Variants in TMCO5A observed in about 807,000 individuals in gnomAD.
The protein encoded by TMCO5A is transmembrane and coiled-coil domain-containing protein 5A.
Under a neutral mutation model 42.3 loss-of-function variants are expected in TMCO5A, and 34 were observed. The ratio of observed to expected loss-of-function variants is 0.80; its 90% CI spans 0.61 to 1.07. TMCO5A has a LOEUF of 1.07. Among genes scored for constraint, TMCO5A ranks in the 50% least tolerant of loss-of-function variants. The probability of loss-of-function intolerance (pLI) is 0.00; values close to 1 mark genes in which losing one functional copy is unlikely to be tolerated. For missense variants in TMCO5A, 357 were observed against 327.9 expected (o/e 1.09, Z -0.69); for synonymous variants, 131 against 115.6 (o/e 1.13, Z -0.86).
chr15:38,031,374 G>A, the TMCO5A span, among the ~76,000 whole-genome samples: 4 of 151,950 alleles, frequency 2.6e-5, no homozygotes, highest in African/African-American at 7.3e-5. Flanking sequence ...TGTCCCTCCC[G>A]CATTGTATCA....
At chr15:37,965,043 A>G (rs940357281) in intron 11 of TMCO5A, among the ~76,000 whole-genome samples, 11 of 152,332 alleles carry the variant, frequency 7.2e-5, no homozygotes, top group Middle Eastern at 3.4e-3. Context: ...CCAAAGCAGC[A>G]CGGTACTGGC....
chr15:37,936,964 C>T lies in TMCO5A; in HGVS notation c.258C>T (p.Ala86=). 1 of 1,612,150 alleles carries T rather than the reference C, an allele frequency of 6.2e-7. No homozygotes were observed. The highest frequency in any genetic ancestry group is 8.5e-7 in the Non-Finnish European group (1 of 1,178,862). ...TGCAGGAGCTGGAGGAAGAAACAGC[C>T]AGACTTGTAAGCAAGAAGTTGGGAA... is the stretch of plus-strand genomic sequence containing the variant. ...RALQELEEET[A]RLERKNKTLV... The change falls in exon 4 of 12, where the codon GCC becomes GCT. Residue 86 remains alanine, a synonymous_variant. Coordinates refer to ENST00000319669, the MANE Select transcript of TMCO5A (RefSeq NM_152453.4).
chr15:38,033,200 T>A, the TMCO5A span, among the ~76,000 whole-genome samples: 1 of 152,196 alleles, frequency 6.6e-6, no homozygotes, highest in African/African-American at 2.4e-5. Flanking sequence ...ATTTGGTCTC[T>A]TACCCTTCTG....
chr15:37,974,117 G>A, the TMCO5A span, among the ~76,000 whole-genome samples: 7 of 152,128 alleles, frequency 4.6e-5, no homozygotes, highest in Admixed American at 4.6e-4. Flanking sequence ...AATCCTACTT[G>A]ATTGTGGTTG....
the TMCO5A span, among the ~76,000 whole-genome samples, chr15:37,997,249 A>T: frequency 6.6e-6 from 1 of 152,182 alleles, no homozygotes; most frequent in Non-Finnish European, 1.5e-5. Context: ...TTACAGATGC[A>T]CTCACTTCAG....
chr15:37,958,087 A>C (rs1324507824), intron 11 of TMCO5A, among the ~76,000 whole-genome samples: 1 of 152,182 alleles, frequency 6.6e-6, no homozygotes, highest in Non-Finnish European at 1.5e-5. Context: ...ACAAAAATTA[A>C]CTCAAGATGG....
chr15:37,972,848 TTG>T, the TMCO5A span, among the ~76,000 whole-genome samples: 1 of 152,222 alleles, frequency 6.6e-6, no homozygotes, highest in Non-Finnish European at 1.5e-5. Context: ...CATGAAATCT[TTG>T]TGAGGACGTA....
At chr15:37,961,895 G>T (rs140493346) in intron 11 of TMCO5A, among the ~76,000 whole-genome samples, 1 of 151,894 alleles carries the variant, frequency 6.6e-6, no homozygotes, top group Non-Finnish European at 1.5e-5. Flanking sequence ...TCTTGTATCC[G>T]GAAACTTTGC....
At chr15:38,008,086 G>C in the TMCO5A span, among the ~76,000 whole-genome samples, 1 of 151,404 alleles carries the variant, frequency 6.6e-6, no homozygotes, top group African/African-American at 2.4e-5. Flanking sequence ...TAGTAGAGAT[G>C]GGGTTTCACC....
the TMCO5A span, among the ~76,000 whole-genome samples, chr15:37,981,030 G>A: frequency 6.6e-6 from 1 of 152,038 alleles, no homozygotes; most frequent in East Asian, 1.9e-4. Context: ...AAAAGTTATT[G>A]TAGAAGAATC....
At chr15:37,936,121 C>T in intron 2 of TMCO5A, 193 bp from the exon 3 acceptor site, 1 of 517,688 alleles carries the variant, frequency 1.9e-6, no homozygotes, top group Non-Finnish European at 3.1e-6. Flanking sequence ...AAGACCCTTG[C>T]TGACTGAGCT....
chr15:37,939,117 T>A (rs543626852), intron 6 of TMCO5A, among the ~76,000 whole-genome samples: 2 of 152,250 alleles, frequency 1.3e-5, no homozygotes, highest in African/African-American at 4.8e-5. Flanking sequence ...GTCATTTGAT[T>A]TTTTTGACAC....
the TMCO5A span, among the ~76,000 whole-genome samples, chr15:38,010,425 T>TCTCACACACACACA: frequency 0.019 from 2,219 of 117,414 alleles, 36 homozygotes; most frequent in African/African-American, 0.022. Flanking sequence ...CAGAGGGAGA[T>TCTCACACACACACA]CACACACACA....
downstream of TMCO5A, among the ~76,000 whole-genome samples, chr15:37,955,342 G>A (rs1295471830): frequency 6.7e-6 from 1 of 149,738 alleles, no homozygotes; most frequent in Non-Finnish European, 1.5e-5. Context: ...TGAGATCAAA[G>A]CTGTAATAAA....
downstream of TMCO5A, among the ~76,000 whole-genome samples, chr15:37,969,402 T>G (rs761570175): frequency 6.6e-6 from 1 of 152,202 alleles, no homozygotes; most frequent in Non-Finnish European, 1.5e-5. Context: ...CTACTGGCAA[T>G]TATTAGAGTA....
At chr15:38,010,848 G>C in the TMCO5A span, among the ~76,000 whole-genome samples, 2 of 152,126 alleles carry the variant, frequency 1.3e-5, no homozygotes, top group African/African-American at 2.4e-5. Flanking sequence ...CGTCTCCCAG[G>C]TTCAAGTGAT....
At chr15:38,017,185 T>C in the TMCO5A span, among the ~76,000 whole-genome samples, 1 of 152,216 alleles carries the variant, frequency 6.6e-6, no homozygotes, top group East Asian at 1.9e-4. Flanking sequence ...GACCAGAAAC[T>C]TAAGGAATTT....
the TMCO5A span, chr15:37,994,761 T>C: frequency 6.6e-6 from 1 of 152,154 alleles, no homozygotes; most frequent in Non-Finnish European, 1.5e-5. Context: ...TCCAGAGATA[T>C]TAATATCTAT....
At chr15:37,954,449 T>C (rs1349437488), downstream of TMCO5A, among the ~76,000 whole-genome samples, 2 of 152,134 alleles carry the variant, frequency 1.3e-5, no homozygotes, top group Non-Finnish European at 2.9e-5. Context: ...AATAGTATTC[T>C]GGTGAAAATG....
Sources: allele counts gnomAD v4.1 joint callset (sites outside exome capture counted in the v4.1 genomes callset), GRCh38; gene constraint gnomAD v4.1.1; transcripts MANE v1.5; gene names NCBI Gene and HGNC (gene_info 2026-07-23, HGNC 2026-07-21).